The following UNC5C variants were observed in gnomAD, a reference collection of about 807,000 sequenced individuals.
The protein encoded by UNC5C is netrin receptor UNC5C.
UNC5C carries 47 observed loss-of-function variants against 99.8 expected under a neutral mutation model. That is an observed-to-expected ratio of 0.47 (90% CI 0.37 to 0.60). The LOEUF (loss-of-function observed/expected upper bound fraction) is 0.60. UNC5C is among the 20% of genes least tolerant of loss of function. The pLI is 0.00. For synonymous variants in UNC5C, 487 were observed against 452.2 expected, an observed-to-expected ratio of 1.08 and a Z score of -0.98; for missense variants, 1,062 against 1,165.9, an observed-to-expected ratio of 0.91 and a Z score of 1.30.
At chr4:95,341,666 C>T (rs2149424256) in intron 1 of UNC5C, among the ~76,000 whole-genome samples, 1 of 152,236 alleles carries the variant, frequency 6.6e-6, no homozygotes, top group South Asian at 2.1e-4. Flanking sequence ...TGACTATATA[C>T]ACCATAAAGC....
rs574532435 is a variant in UNC5C at position 95,525,596 on chromosome 4, T to TAA, written c.124+23136_124+23137dup. On this transcript the variant is annotated intron_variant, in intron 1 of 15. Transcript: ENST00000453304. ...ATAGCAGTGTGCAAAGCCTATTTCT[T>TAA]AAAAAAAAAAAAAAAAAAAAAAGAC... Among the ~76,000 whole-genome samples, 126 of 102,158 alleles carry TAA rather than the reference T, an allele frequency of 1.2e-3. 5 individuals are homozygous for TAA. The highest frequency in any genetic ancestry group is 3.4e-3 in the African/African-American group (87 of 25,304). 67.0% of individuals were successfully genotyped at this position (102,158 alleles called of 152,430 possible).
chr4:95,380,329 T>C (rs1745033108), intron 1 of UNC5C, among the ~76,000 whole-genome samples: 1 of 152,212 alleles, frequency 6.6e-6, no homozygotes, highest in African/African-American at 2.4e-5. Flanking sequence ...TTTGTCTCAT[T>C]AACATGGTCA....
Position 95,182,950 on chromosome 4 carries a change from G to C in UNC5C, c.2398C>G (p.Arg800Gly). The C allele has an allele frequency of 6.2e-7, 1 of 1,613,648 alleles. No homozygotes were observed. Among genetic ancestry groups the C allele is most frequent in the Non-Finnish European group, 8.5e-7 (1 of 1,179,746 alleles). Residue 800 changes from arginine to glycine, a missense_variant, in exon 14 of 16, where the codon CGG becomes GGG. Physicochemically the swap from Arg to Gly is moderately radical, Grantham distance 125. Coordinates refer to ENST00000453304, the MANE Select transcript of UNC5C (RefSeq NM_003728.4). ...ATCTGCCCTTCTCCTTCCACCTGCC[G>C]CACACAGAGTTTGCAAACCAGCTCC... The part of the protein sequence containing the change: ...TVELVCKLCV[R>G]QVEGEGQIFQ...
At chr4:95,183,632 G>A (rs1249235930) in intron 13 of UNC5C, among the ~76,000 whole-genome samples, 1 of 150,942 alleles carries the variant, frequency 6.6e-6, no homozygotes, top group Non-Finnish European at 1.5e-5. Context: ...ACCAAGCATC[G>A]AACAGGCTTT....
At chr4:95,294,261 T>C (rs1741593589) in intron 3 of UNC5C, among the ~76,000 whole-genome samples, 1 of 152,200 alleles carries the variant, frequency 6.6e-6, no homozygotes, top group Non-Finnish European at 1.5e-5. Context: ...CTGGATACTA[T>C]AGACTCACGA....
chr4:95,272,336 A>G (rs554766623), intron 4 of UNC5C, among the ~76,000 whole-genome samples: 2 of 152,350 alleles, frequency 1.3e-5, no homozygotes, highest in African/African-American at 4.8e-5. Flanking sequence ...CTATAGGCTT[A>G]AAGCAACCAC....
chr4:95,171,468 C>T lies in UNC5C; in HGVS notation c.2452-1136G>A, dbSNP rs1343487904. On this transcript the variant is annotated intron_variant, in intron 14 of 15. Coordinates refer to ENST00000453304, the MANE Select transcript of UNC5C (RefSeq NM_003728.4). ...ATGTGTTCTCATTGTTCAATTCCCC[C>T]GTGAGTGAGAATATGCAGTGTTTGG... Among the ~76,000 whole-genome samples, 17 of 151,068 alleles carry T rather than the reference C, an allele frequency of 1.1e-4. No homozygotes were observed. In the East Asian group the frequency reaches 1.4e-3, roughly 12 times the overall value.
intron 1 of UNC5C, among the ~76,000 whole-genome samples, chr4:95,397,584 G>A (rs1745551766): frequency 6.6e-6 from 1 of 152,078 alleles, no homozygotes; most frequent in African/African-American, 2.4e-5. Flanking sequence ...AGTAGAAAAA[G>A]CACATTGAAC....
intron 1 of UNC5C, among the ~76,000 whole-genome samples, chr4:95,444,904 G>T (rs1047027247): frequency 1.3e-5 from 2 of 152,108 alleles, no homozygotes; most frequent in African/African-American, 4.8e-5. Context: ...ATTTAGAAAT[G>T]TACAGAGAAA....
At chr4:95,171,920 T>G (rs944646356) in intron 14 of UNC5C, among the ~76,000 whole-genome samples, 1 of 151,874 alleles carries the variant, frequency 6.6e-6, no homozygotes, top group African/African-American at 2.4e-5. Context: ...GACTTTTTAA[T>G]GATTGCCATT....
At chr4:95,362,559 T>C (rs536319902) in intron 1 of UNC5C, among the ~76,000 whole-genome samples, 1 of 152,312 alleles carries the variant, frequency 6.6e-6, no homozygotes, top group South Asian at 2.1e-4. Context: ...TGGGATTTTC[T>C]GTTACATGAA....
At chr4:95,410,277 T>C (rs1053676572) in intron 1 of UNC5C, among the ~76,000 whole-genome samples, 5 of 152,142 alleles carry the variant, frequency 3.3e-5, no homozygotes, top group African/African-American at 1.2e-4. Flanking sequence ...CACTGGGTTG[T>C]AATGTCCCTG....
At chr4:95,268,765 A>G (rs1740546983) in intron 4 of UNC5C, among the ~76,000 whole-genome samples, 1 of 152,208 alleles carries the variant, frequency 6.6e-6, no homozygotes, top group Admixed American at 6.5e-5. Flanking sequence ...AGCATTAGCT[A>G]GAAAACTCCA....
intron 1 of UNC5C, among the ~76,000 whole-genome samples, chr4:95,492,646 C>G (rs1304475999): frequency 6.6e-6 from 1 of 151,376 alleles, no homozygotes; most frequent in African/African-American, 2.4e-5. Context: ...TTCACGTTAT[C>G]ACACACACAA....
At chr4:95,356,019 G>T (rs1046079685) in intron 1 of UNC5C, among the ~76,000 whole-genome samples, 4 of 151,566 alleles carry the variant, frequency 2.6e-5, no homozygotes, top group African/African-American at 9.7e-5. Context: ...GAGAGACCCT[G>T]TATCTACAAA....
rs368738967 is a variant in UNC5C, at chr4:95,332,235, T to G, written c.346+3175A>C. Among the ~76,000 whole-genome samples, 563 of 151,402 alleles carry G rather than the reference T, an allele frequency of 3.7e-3. 1 individual carries two copies. Among genetic ancestry groups the G allele is most frequent in the African/African-American group, 0.012 (505 of 41,260 alleles). ...GAAAAAACTACTTTAAAGTTCATAT[T>G]GAACCAAAAAAGAGCCCGCATCGCC... On this transcript the variant is annotated intron_variant, in intron 2 of 15. Transcript: ENST00000453304.
chr4:95,548,361 A>G (rs1261735551), intron 1 of UNC5C, among the ~76,000 whole-genome samples: 1 of 151,856 alleles, frequency 6.6e-6, no homozygotes, highest in Non-Finnish European at 1.5e-5. Flanking sequence ...TATGTCACAC[A>G]GCCACCCGCA....
intron 4 of UNC5C, among the ~76,000 whole-genome samples, chr4:95,254,407 T>C (rs1007817552): frequency 6.6e-6 from 1 of 152,178 alleles, no homozygotes; most frequent in Non-Finnish European, 1.5e-5. Context: ...ATATTAATTC[T>C]AAATTCAACC....
intron 1 of UNC5C, among the ~76,000 whole-genome samples, chr4:95,478,469 G>T (rs1721029982): frequency 6.6e-6 from 1 of 151,940 alleles, no homozygotes; most frequent in Admixed American, 6.6e-5. Context: ...GTTCAGGGCT[G>T]CTTCAAATTC....
Sources: allele counts gnomAD v4.1 joint callset (sites outside exome capture counted in the v4.1 genomes callset), GRCh38; gene constraint gnomAD v4.1.1; transcripts MANE v1.5; gene names NCBI Gene and HGNC (gene_info 2026-07-23, HGNC 2026-07-21).